SNRPN: variants seen among roughly 807,000 people sequenced by gnomAD.
SNRPN encodes small nuclear ribonucleoprotein polypeptide N, also known as small nuclear ribonucleoprotein-associated protein N.
Under a neutral mutation model 25.2 loss-of-function variants are expected in SNRPN, and 7 were observed. The ratio of observed to expected loss-of-function variants is 0.28; its 90% CI spans 0.16 to 0.52. The LOEUF is 0.52. SNRPN is among the 20% of genes least tolerant of loss of function. The probability of loss-of-function intolerance (pLI) is 0.96; values close to 1 mark genes in which losing one functional copy is unlikely to be tolerated. For missense variants in SNRPN, 196 were observed against 322.5 expected, an observed-to-expected ratio of 0.61 and a Z score of 3.00; for synonymous variants, 124 against 110.6, an observed-to-expected ratio of 1.12 and a Z score of -0.76.
chr15:24,896,767 C>CTT (rs1348410735), intron 2 of SNRPN, among the ~76,000 whole-genome samples: 1 of 152,050 alleles, frequency 6.6e-6, no homozygotes, highest in Non-Finnish European at 1.5e-5. Context: ...AGAAAAGACT[C>CTT]TGTCTCTTCA....
At chr15:24,964,371 C>T (rs890668229) in intron 2 of SNRPN, among the ~76,000 whole-genome samples, 17 of 152,062 alleles carry the variant, frequency 1.1e-4, no homozygotes, top group Admixed American at 1.0e-3. Flanking sequence ...GGATGGAGTG[C>T]AACCTCCGCC....
intron 2 of SNRPN, among the ~76,000 whole-genome samples, chr15:24,830,124 A>T (rs2050397920): frequency 6.6e-6 from 1 of 152,062 alleles, no homozygotes; most frequent in South Asian, 2.1e-4. Flanking sequence ...TTTTGACTTT[A>T]TTCTTTCTAC....
chr15:24,966,604 C>G lies in SNRPN; in HGVS notation c.-294-1328C>G, dbSNP rs1217892377. 3.9e-5 allele frequency among the ~76,000 whole-genome samples: 6 copies of G among 152,216 alleles called. No homozygotes were observed. In the East Asian group the frequency reaches 7.7e-4, roughly 20 times the overall value. ...TCACCATCTTGAGACATCTCATTAC[C>G]AAGAACTCAGGTGTGATCCTAGGGA... On this transcript the variant is annotated intron_variant, in intron 2 of 9. Coordinates refer to ENST00000390687, the MANE Select transcript of SNRPN (RefSeq NM_003097.6).
intron 1 of SNRPN, among the ~76,000 whole-genome samples, chr15:24,956,445 G>A (rs751929170): frequency 6.6e-6 from 1 of 151,986 alleles, no homozygotes; most frequent in Non-Finnish European, 1.5e-5. Context: ...AGTTTCAGCC[G>A]TACCCTCTTT....
intron 2 of SNRPN, among the ~76,000 whole-genome samples, chr15:24,918,924 T>TATATATGTGCACATATATATAACATA (rs2059834752): frequency 6.5e-5 from 2 of 30,540 alleles, no homozygotes; most frequent in Non-Finnish European, 6.1e-5. Context: ...TATAACATAA[T>TATATATGTGCACATATATATAACATA]ATATATATGC....
At chr15:24,927,473 TAA>T (rs1427772493) in intron 3 of SNRPN, among the ~76,000 whole-genome samples, 2 of 43,004 alleles carry the variant, frequency 4.7e-5, no homozygotes, top group Non-Finnish European at 4.6e-5. Context: ...ATAAAGTTTT[TAA>T]ATTTTTTTTT....
intron 1 of SNRPN, among the ~76,000 whole-genome samples, chr15:24,881,441 G>A (rs1157562523): frequency 6.6e-6 from 1 of 151,684 alleles, no homozygotes; most frequent in Non-Finnish European, 1.5e-5. Flanking sequence ...TGAGGCAGGA[G>A]AATTGCTTGA....
intron 1 of SNRPN, among the ~76,000 whole-genome samples, chr15:24,857,338 A>G (rs2053501462): frequency 6.6e-6 from 1 of 152,288 alleles, no homozygotes; most frequent in South Asian, 2.1e-4. Context: ...AATTGTCGGC[A>G]TGATGTTTGC....
intron 2 of SNRPN, among the ~76,000 whole-genome samples, chr15:24,902,857 G>C (rs1435185218): frequency 6.6e-6 from 1 of 152,234 alleles, no homozygotes; most frequent in South Asian, 2.1e-4. Context: ...TTATTGCAAA[G>C]AGCAAAAGAA....
intron 1 of SNRPN, among the ~76,000 whole-genome samples, chr15:24,867,871 T>C (rs1305620415): frequency 2.7e-5 from 4 of 149,628 alleles, no homozygotes; most frequent in Admixed American, 1.3e-4. Flanking sequence ...TGTCTTCCAT[T>C]TGTTTGCTTC....
chr15:24,975,044 GA>G, intron 4 of SNRPN: 1 of 697,016 alleles, frequency 1.4e-6, no homozygotes, highest in South Asian at 1.5e-5. Context: ...TGGAGAGAGA[GA>G]ACACCCTACA....
chr15:24,901,182 C>T (rs1454405388), intron 2 of SNRPN, among the ~76,000 whole-genome samples: 6 of 152,074 alleles, frequency 3.9e-5, no homozygotes, highest in Admixed American at 2.6e-4. Context: ...TTGGTATTGC[C>T]GTCTTAGGTA....
intron 2 of SNRPN, among the ~76,000 whole-genome samples, chr15:24,845,260 T>G (rs2052083883): frequency 6.6e-6 from 1 of 152,218 alleles, no homozygotes; most frequent in African/African-American, 2.4e-5. Flanking sequence ...CTATTTATCC[T>G]TACACCAATA....
At chr15:24,876,728 G>A (rs541436469) in intron 1 of SNRPN, among the ~76,000 whole-genome samples, 2 of 152,060 alleles carry the variant, frequency 1.3e-5, no homozygotes, top group Middle Eastern at 3.4e-3. Flanking sequence ...AGGTTTCCTC[G>A]AAGAGGCAGT....
intron 3 of SNRPN, among the ~76,000 whole-genome samples, chr15:24,937,614 T>C (rs2061316443): frequency 6.6e-6 from 1 of 152,250 alleles, no homozygotes; most frequent in African/African-American, 2.4e-5. Context: ...CTTTGCACTT[T>C]TTAAATTGTA....
intron 1 of SNRPN, among the ~76,000 whole-genome samples, chr15:24,879,690 C>T (rs76496837): frequency 0.04 from 6,127 of 152,222 alleles, 197 homozygotes; most frequent in Non-Finnish European, 0.057. Flanking sequence ...GCCTGAGGGT[C>T]AAATTCTGCC....
rs748732487 is a variant in SNRPN, at chr15:24,919,252, AC to A, written c.-504-755del. 5.3e-5 allele frequency among the ~76,000 whole-genome samples: 8 copies of A among 151,498 alleles called. No homozygotes were observed. In the South Asian group the frequency reaches 1.2e-3, roughly 24 times the overall value. On this transcript the variant is annotated intron_variant, in intron 2 of 11. Coordinates refer to the SNRPN transcript ENST00000400097. ...AGACCATCCTGGCTAACACGGTGAA[AC>A]CCCGTCTCTACTAAAAATACACAAA... is the stretch of plus-strand genomic sequence containing the variant.
intron 1 of SNRPN, among the ~76,000 whole-genome samples, chr15:24,860,908 G>T (rs1050997186): frequency 6.6e-6 from 1 of 152,148 alleles, no homozygotes; most frequent in Non-Finnish European, 1.5e-5. Context: ...GCAGGGATTG[G>T]GTTGAGGTGA....
intron 3 of SNRPN, among the ~76,000 whole-genome samples, chr15:24,924,438 G>A (rs1054910574): frequency 4.6e-5 from 7 of 152,016 alleles, no homozygotes; most frequent in African/African-American, 1.7e-4. Context: ...AGTTTCCTGG[G>A]GAGGGGATTC....
Sources: gnomAD v4.1 joint callset for allele counts (sites outside exome capture counted in the v4.1 genomes callset) on GRCh38, gnomAD v4.1.1 for gene constraint, MANE v1.5 for transcripts, NCBI Gene and HGNC (gene_info 2026-07-23, HGNC 2026-07-21) for gene names.